CNBD1: variants seen among roughly 807,000 people sequenced by gnomAD.
CNBD1 encodes cyclic nucleotide binding domain containing 1.
In CNBD1, 71 loss-of-function variants were observed where a neutral mutation model predicts 54.4. The observed-to-expected ratio is 1.30, with a 90% CI of 1.08 to 1.59. The LOEUF is 1.59. CNBD1 is among the 40% of genes most tolerant of loss of function. CNBD1 has a pLI of 0.00. For synonymous variants in CNBD1, 182 were observed against 170.7 expected (o/e 1.07, Z -0.51); for missense variants, 659 against 518.0 (o/e 1.27, Z -2.64).
At chr8:87,200,898 G>A (rs535880063) in intron 4 of CNBD1, among the ~76,000 whole-genome samples, 7 of 152,184 alleles carry the variant, frequency 4.6e-5, no homozygotes, top group East Asian at 1.9e-4. Context: ...ATCCCAACTC[G>A]TTCTATGAAG....
intron 6 of CNBD1, among the ~76,000 whole-genome samples, chr8:87,274,438 T>A (rs1808434061): frequency 6.8e-6 from 1 of 146,896 alleles, no homozygotes; most frequent in South Asian, 2.2e-4. Flanking sequence ...ACCTGTTGTT[T>A]CCTGACTTTT....
chr8:86,878,754 C>G (rs1808562864), intron 1 of CNBD1, among the ~76,000 whole-genome samples: 1 of 152,144 alleles, frequency 6.6e-6, no homozygotes, highest in African/African-American at 2.4e-5. Flanking sequence ...AGAACTCTTC[C>G]TATTTCCTCA....
At chr8:86,956,749 T>C (rs979713144) in intron 4 of CNBD1, among the ~76,000 whole-genome samples, 3 of 152,224 alleles carry the variant, frequency 2.0e-5, no homozygotes, top group Non-Finnish European at 4.4e-5. Context: ...TGGGTTTTTA[T>C]AAATATACAA....
At chr8:87,309,337 T>C (rs2130889344) in intron 8 of CNBD1, among the ~76,000 whole-genome samples, 1 of 152,300 alleles carries the variant, frequency 6.6e-6, no homozygotes, top group South Asian at 2.1e-4. Flanking sequence ...TCCATGCCAC[T>C]GTATCCCCAG....
intron 4 of CNBD1, among the ~76,000 whole-genome samples, chr8:87,083,468 C>T (rs760969164): frequency 2.2e-4 from 34 of 152,072 alleles, no homozygotes; most frequent in Non-Finnish European, 3.2e-4. Flanking sequence ...TCTATTGATC[C>T]CAGGTCTTCA....
chr8:87,375,895 C>A (rs1327377641), intron 10 of CNBD1, among the ~76,000 whole-genome samples: 2 of 151,828 alleles, frequency 1.3e-5, no homozygotes, highest in South Asian at 2.1e-4. Context: ...TTTTTTCAGG[C>A]CTTGGATCTA....
chr8:86,986,669 C>A (rs1481668621), intron 4 of CNBD1, among the ~76,000 whole-genome samples: 1 of 151,936 alleles, frequency 6.6e-6, no homozygotes, highest in African/African-American at 2.4e-5. Flanking sequence ...ATCTTTAATC[C>A]ATCTTGAGTT....
At chr8:87,425,557 G>T (rs1252941084) in intron 2 of CNBD1, among the ~76,000 whole-genome samples, 2 of 151,994 alleles carry the variant, frequency 1.3e-5, no homozygotes, top group Non-Finnish European at 2.9e-5. Flanking sequence ...CTCAGCTGCA[G>T]GTCTGTTGGA....
At chr8:87,347,131 C>T (rs142915982) in intron 8 of CNBD1, among the ~76,000 whole-genome samples, 269 of 152,226 alleles carry the variant, frequency 1.8e-3, no homozygotes, top group African/African-American at 6.0e-3. Flanking sequence ...TCTTACCCAC[C>T]GCCAGACAGA....
chr8:86,870,160 A>G (rs1171558202), intron 1 of CNBD1, among the ~76,000 whole-genome samples: 2 of 150,252 alleles, frequency 1.3e-5, no homozygotes, highest in African/African-American at 4.9e-5. Flanking sequence ...CCAGAGACAC[A>G]TCAAGAAATT....
At chr8:87,165,070 A>G (rs567899365) in intron 4 of CNBD1, among the ~76,000 whole-genome samples, 4 of 151,338 alleles carry the variant, frequency 2.6e-5, no homozygotes, top group Non-Finnish European at 5.9e-5. Flanking sequence ...TTATTTCCAC[A>G]TATTGTGAAT....
intron 4 of CNBD1, among the ~76,000 whole-genome samples, chr8:87,029,592 A>T (rs2453450): frequency 0.42 from 64,526 of 151,888 alleles, 14,620 homozygotes; most frequent in African/African-American, 0.57. Flanking sequence ...ATAATTTAGA[A>T]ATCTGGTAAT....
At chr8:86,954,138 T>G (rs565302511) in intron 4 of CNBD1, among the ~76,000 whole-genome samples, 31 of 152,350 alleles carry the variant, frequency 2.0e-4, no homozygotes, top group Non-Finnish European at 3.7e-4. Context: ...CTTTTGTCAG[T>G]ATTTTATTCA....
At chr8:86,998,535 C>A (rs1427359815) in intron 4 of CNBD1, among the ~76,000 whole-genome samples, 6 of 152,078 alleles carry the variant, frequency 3.9e-5, no homozygotes, top group Admixed American at 2.6e-4. Flanking sequence ...GTGCATTGGG[C>A]AATTCAAGGT....
Position 87,351,719 on chromosome 8 carries a change from G to T in CNBD1, c.1077G>T (p.Val359=), listed in dbSNP as rs772452419. The change falls in exon 9 of 11, where the codon GTG becomes GTT. Residue 359 remains valine, a synonymous_variant. Transcript: ENST00000518476. ...IVESGNIISF[V]GYINSGCCNI... is the part of the protein sequence containing the mutation. ...AAAGTGGAAATATAATTTCTTTTGTGGGTTATATTAACTCTGGATGCTGTA... is the reference window on the plus strand; with the variant it reads ...AAAGTGGAAATATAATTTCTTTTGTTGGTTATATTAACTCTGGATGCTGTA... 4 of 1,530,140 alleles carry T rather than the reference G, an allele frequency of 2.6e-6. No individual in the cohort carries two copies. The South Asian group carries it at 5.2e-5, about 20-fold the overall frequency. 94.8% of individuals were successfully genotyped at this position (1,530,140 alleles called of 1,614,324 possible). A position where few individuals can be genotyped will look rare whatever the true frequency, so the allele number is the denominator to read the frequency against.
chr8:87,301,152 A>C (rs1193816278), intron 8 of CNBD1, among the ~76,000 whole-genome samples: 1 of 152,164 alleles, frequency 6.6e-6, no homozygotes, highest in Non-Finnish European at 1.5e-5. Flanking sequence ...TAAATCAGGA[A>C]GAATTAGATA....
downstream of CNBD1, among the ~76,000 whole-genome samples, chr8:87,383,755 C>T (rs1325939141): frequency 6.6e-6 from 1 of 152,102 alleles, no homozygotes; most frequent in East Asian, 1.9e-4. Context: ...CTATACATAG[C>T]ACCAAGTTGT....
At position 87,382,029 on chromosome 8, in the gene CNBD1, A is replaced by C. The variant is rs561303325; in HGVS notation, c.1304-591A>C. Among the ~76,000 whole-genome samples, 16 of 152,126 alleles carry C rather than the reference A, an allele frequency of 1.1e-4. 2 individuals carry two copies. The South Asian group carries it at 3.3e-3, about 32-fold the overall frequency. On this transcript the variant is annotated intron_variant, in intron 10 of 10. Coordinates refer to ENST00000518476, the MANE Select transcript of CNBD1 (RefSeq NM_173538.3). ...TCTTACCATGATAATATAACATTTT[A>C]AAAAATAAATAGAAGAGTGACTCAA...
intron 6 of CNBD1, among the ~76,000 whole-genome samples, chr8:87,240,392 T>C (rs1807669995): frequency 6.6e-6 from 1 of 152,138 alleles, no homozygotes; most frequent in Non-Finnish European, 1.5e-5. Context: ...AATTATAAAA[T>C]AGTAATTTTT....
Sources: allele counts gnomAD v4.1 joint callset (sites outside exome capture counted in the v4.1 genomes callset), GRCh38; gene constraint gnomAD v4.1.1; transcripts MANE v1.5; gene names NCBI Gene and HGNC (gene_info 2026-07-23, HGNC 2026-07-21).